Variants in UTRN observed in about 807,000 individuals in gnomAD.
UTRN encodes the protein utrophin, also known as dystrophin-related protein 1.
UTRN carries 283 observed loss-of-function variants against 463.9 expected under a neutral mutation model. The ratio of observed to expected loss-of-function variants is 0.61; its 90% CI spans 0.55 to 0.67. The LOEUF (loss-of-function observed/expected upper bound fraction) is 0.67. Ranked by LOEUF, UTRN falls within the 30% of genes least tolerant of loss-of-function variation. The probability of loss-of-function intolerance (pLI) is 0.00; values close to 1 mark genes in which losing one functional copy is unlikely to be tolerated. For missense variants in UTRN, 3,922 were observed against 4,084.3 expected (o/e 0.96, Z 1.08); for synonymous variants, 1,442 against 1,431.5 (o/e 1.01, Z -0.17).
intron 61 of UTRN, among the ~76,000 whole-genome samples, chr6:144,785,525 G>A (rs1316727147): frequency 3.3e-5 from 5 of 152,012 alleles, no homozygotes; most frequent in Non-Finnish European, 7.4e-5. Context: ...CTATATCTAG[G>A]AAACATAGTA....
Position 144,843,617 on chromosome 6 carries a change from C to T in UTRN, c.10270+2785C>T, listed in dbSNP as rs568372872. Among the ~76,000 whole-genome samples the T allele has an allele frequency of 1.1e-4, 16 of 152,228 alleles. No individual in the cohort carries two copies. The South Asian group carries it at 1.9e-3, about 18-fold the overall frequency. On this transcript the variant is annotated intron_variant, in intron 73 of 74. Transcript: ENST00000367545. ...TTTCTGAGAGGAGTATACACAGTACCTTCAATGGGACCCACATCACAGAGA... is the reference window on the plus strand; with the variant it reads ...TTTCTGAGAGGAGTATACACAGTACTTTCAATGGGACCCACATCACAGAGA...
intron 2 of UTRN, among the ~76,000 whole-genome samples, chr6:144,336,791 C>G (rs910158693): frequency 4.0e-5 from 6 of 151,854 alleles, no homozygotes; most frequent in Admixed American, 3.9e-4. Flanking sequence ...CAATTTCGTT[C>G]ACTGTTGCCT....
chr6:144,449,479 T>C (rs1788034621), intron 17 of UTRN, among the ~76,000 whole-genome samples: 4 of 152,188 alleles, frequency 2.6e-5, no homozygotes, highest in Non-Finnish European at 5.9e-5. Context: ...TTGCCCATAT[T>C]GAGAGCAGAT....
At chr6:144,321,185 A>G (rs889526943) in intron 2 of UTRN, among the ~76,000 whole-genome samples, 3 of 151,980 alleles carry the variant, frequency 2.0e-5, no homozygotes, top group Non-Finnish European at 2.9e-5. Flanking sequence ...TATGCCAGCC[A>G]CTATTTAACC....
At chr6:144,453,668 C>G (rs1359937466) in intron 18 of UTRN, 114 bp from the exon 19 acceptor site, 1 of 819,738 alleles carries the variant, frequency 1.2e-6, no homozygotes, top group Non-Finnish European at 1.9e-6. Context: ...TTTGAATTTA[C>G]CTTTTCAGAT....
intron 69 of UTRN, among the ~76,000 whole-genome samples, chr6:144,831,736 G>A (rs997964348): frequency 4.6e-5 from 7 of 152,132 alleles, no homozygotes; most frequent in African/African-American, 1.7e-4. Context: ...TCAGAAGTGG[G>A]AACGCAAGGA....
intron 51 of UTRN, among the ~76,000 whole-genome samples, chr6:144,578,258 A>G (rs1801636945): frequency 6.6e-6 from 1 of 152,196 alleles, no homozygotes; most frequent in Non-Finnish European, 1.5e-5. Flanking sequence ...CTTGTCAACC[A>G]TAGTATTACA....
At chr6:144,392,210 C>T (rs529340163) in intron 2 of UTRN, among the ~76,000 whole-genome samples, 1 of 152,246 alleles carries the variant, frequency 6.6e-6, no homozygotes, top group South Asian at 2.1e-4. Flanking sequence ...ACTAAAAATT[C>T]ATTTTACCTG....
intron 54 of UTRN, among the ~76,000 whole-genome samples, chr6:144,732,637 T>C (rs886221873): frequency 2.0e-5 from 3 of 151,916 alleles, no homozygotes; most frequent in Non-Finnish European, 4.4e-5. Flanking sequence ...GCATGACATT[T>C]ATTGTTTCAT....
chr6:144,840,820 C>G lies in UTRN; in HGVS notation c.10258C>G (p.Pro3420Ala). 2 of 1,614,026 alleles carry G rather than the reference C, an allele frequency of 1.2e-6. No individual in the cohort carries two copies. Among genetic ancestry groups the G allele is most frequent in the Non-Finnish European group, 8.5e-7 (1 of 1,179,984 alleles). The change falls in exon 73 of 75, where the codon CCA (proline) becomes GCA (alanine). Residue 3420 changes from proline (P) to alanine (A), a missense_variant. Pro to Ala is a conservative substitution (Grantham distance 27). Around this residue, in one of 3 missense-constraint regions of UTRN, gnomAD observed 1,309 missense variants for 1,452.6 expected, o/e 0.90. Transcript: ENST00000367545. ...CATGGAGCAGATTCACAGCACGTTTCCATCTTGCTGCCGTGAGTATGAAAG... is the reference window on the plus strand; with the variant it reads ...CATGGAGCAGATTCACAGCACGTTTGCATCTTGCTGCCGTGAGTATGAAAG... The part of the protein sequence containing the change: ...EVMEQIHSTF[P>A]SCCPNVPSRP...
chr6:144,636,178 A>G (rs1777152933), intron 51 of UTRN, among the ~76,000 whole-genome samples: 2 of 152,140 alleles, frequency 1.3e-5, no homozygotes, highest in Admixed American at 6.5e-5. Context: ...ATTAGAGAAA[A>G]TGTGGCACAT....
chr6:144,643,212 A>G (rs1292545197), intron 51 of UTRN, among the ~76,000 whole-genome samples: 2 of 152,196 alleles, frequency 1.3e-5, no homozygotes, highest in Non-Finnish European at 2.9e-5. Context: ...ACTAGAAAGT[A>G]ACATACATGA....
intron 50 of UTRN, among the ~76,000 whole-genome samples, chr6:144,570,389 G>A (rs531099427): frequency 6.6e-6 from 1 of 152,256 alleles, no homozygotes; most frequent in African/African-American, 2.4e-5. Context: ...TGCCTCCTGG[G>A]GAGGTGAGCC....
At chr6:144,311,051 A>G (rs1806225879) in intron 2 of UTRN, among the ~76,000 whole-genome samples, 1 of 152,190 alleles carries the variant, frequency 6.6e-6, no homozygotes, top group Admixed American at 6.5e-5. Context: ...GTGTGATTAT[A>G]TTACATTTTT....
chr6:144,294,355 T>C (rs1249852377), intron 2 of UTRN, among the ~76,000 whole-genome samples: 1 of 152,208 alleles, frequency 6.6e-6, no homozygotes, highest in East Asian at 1.9e-4. Flanking sequence ...CTTTTTTTGA[T>C]TCTTTTAAGG....
chr6:144,817,966 G>T (rs1779231885), intron 65 of UTRN, among the ~76,000 whole-genome samples: 1 of 152,104 alleles, frequency 6.6e-6, no homozygotes, highest in African/African-American at 2.4e-5. Flanking sequence ...GTTATTTTGT[G>T]CATGGGATAG....
At chr6:144,682,963 G>T (rs1258521478) in intron 52 of UTRN, among the ~76,000 whole-genome samples, 5 of 152,004 alleles carry the variant, frequency 3.3e-5, no homozygotes, top group South Asian at 4.1e-4. Flanking sequence ...TTTTCTCTCG[G>T]TCGGTAATGT....
At chr6:144,804,917 CT>C (rs1778011716) in intron 65 of UTRN, among the ~76,000 whole-genome samples, 1 of 152,116 alleles carries the variant, frequency 6.6e-6, no homozygotes, top group Admixed American at 6.6e-5. Context: ...ACAGTAAATT[CT>C]TTTGGCAGTC....
intron 69 of UTRN, among the ~76,000 whole-genome samples, chr6:144,830,485 A>G (rs1366739267): frequency 2.6e-5 from 4 of 152,170 alleles, no homozygotes; most frequent in Non-Finnish European, 5.9e-5. Context: ...TACAGTTACA[A>G]TTAAATAAAT....
Sources: gnomAD v4.1 joint callset for allele counts (sites outside exome capture counted in the v4.1 genomes callset) on GRCh38, gnomAD v4.1.1 for gene constraint, gnomAD v4.1.1 regional missense constraint, MANE v1.5 for transcripts, NCBI Gene and HGNC (gene_info 2026-07-23, HGNC 2026-07-21) for gene names.